Variants in CNTN4 observed in about 807,000 individuals in gnomAD.
CNTN4 encodes contactin 4, also known as contactin-4.
CNTN4 carries 77 observed loss-of-function variants against 122.5 expected under a neutral mutation model. That is an observed-to-expected ratio of 0.63 (90% CI 0.52 to 0.76). The LOEUF (loss-of-function observed/expected upper bound fraction) is 0.76. CNTN4 is among the 30% of genes least tolerant of loss of function. The probability of loss-of-function intolerance (pLI) is 0.00; values close to 1 mark genes in which losing one functional copy is unlikely to be tolerated. For synonymous variants in CNTN4, 512 were observed against 447.0 expected (o/e 1.15, Z -1.83); for missense variants, 1,256 against 1,259.1 (o/e 1.00, Z 0.04).
At chr3:2,184,713 C>T (rs1361222238) in intron 2 of CNTN4, among the ~76,000 whole-genome samples, 1 of 152,122 alleles carries the variant, frequency 6.6e-6, no homozygotes, top group Admixed American at 6.6e-5. Flanking sequence ...CAACCTCATC[C>T]CCTCTGGAGG....
chr3:2,206,926 T>A (rs979941178), intron 2 of CNTN4, among the ~76,000 whole-genome samples: 1 of 151,810 alleles, frequency 6.6e-6, no homozygotes, highest in Non-Finnish European at 1.5e-5. Flanking sequence ...AACTCTGAGT[T>A]GAGCAAGGCT....
intron 13 of CNTN4, among the ~76,000 whole-genome samples, chr3:2,941,996 A>G (rs1385834975): frequency 6.6e-6 from 1 of 152,134 alleles, no homozygotes; most frequent in Non-Finnish European, 1.5e-5. Flanking sequence ...ATTTTTCTGA[A>G]TTTGTAATTC....
chr3:2,762,642 T>A (rs112561871), intron 6 of CNTN4, among the ~76,000 whole-genome samples: 2 of 152,152 alleles, frequency 1.3e-5, no homozygotes, highest in African/African-American at 2.4e-5. Flanking sequence ...AACATACACA[T>A]GTGTGTGTCT....
In CNTN4 at chr3:2,900,807, C is replaced by T; in HGVS notation, c.1063C>T (p.Pro355Ser). 4 of 1,613,850 alleles carry T rather than the reference C, an allele frequency of 2.5e-6. No individual in the cohort carries two copies. The highest frequency in any genetic ancestry group is 2.5e-6 in the Non-Finnish European group (3 of 1,179,778). The change falls in exon 11 of 25, where the codon CCT (proline) becomes TCT (serine). Residue 355 changes from proline (P) to serine (S), a missense_variant. Transcript: ENST00000418658. ...PTYKWLKNGE[P>S]LLTRDRIQIE... The stretch of plus-strand genomic sequence containing the variant: ...ATACAAGTGGCTAAAAAATGGCGAA[C>T]CTCTGCTAACTCGGGTAAGCAAGTT...
chr3:2,115,534 T>C (rs2033290448), intron 2 of CNTN4, among the ~76,000 whole-genome samples: 1 of 152,246 alleles, frequency 6.6e-6, no homozygotes, highest in Admixed American at 6.5e-5. Context: ...AGGGTGCCTC[T>C]TGAGGCCTGT....
At chr3:2,820,503 C>T (rs76887750) in intron 7 of CNTN4, among the ~76,000 whole-genome samples, 6 of 151,992 alleles carry the variant, frequency 3.9e-5, no homozygotes, top group South Asian at 2.1e-4. Context: ...CATGATTGAT[C>T]GAATCTATGG....
At chr3:2,191,725 T>TAC (rs1296633749) in intron 2 of CNTN4, among the ~76,000 whole-genome samples, 3 of 61,054 alleles carry the variant, frequency 4.9e-5, no homozygotes, top group African/African-American at 1.6e-4. Context: ...CACACACACA[T>TAC]ACACACACAT....
At chr3:2,673,795 G>A (rs960387822) in intron 4 of CNTN4, among the ~76,000 whole-genome samples, 6 of 152,180 alleles carry the variant, frequency 3.9e-5, no homozygotes, top group Non-Finnish European at 7.4e-5. Flanking sequence ...GCCTGCCTCA[G>A]CCTCCCAAAG....
chr3:2,378,223 C>T (rs896324309), intron 3 of CNTN4, among the ~76,000 whole-genome samples: 5 of 152,196 alleles, frequency 3.3e-5, no homozygotes, highest in East Asian at 3.9e-4. Flanking sequence ...GTTTCATGTG[C>T]GGGGGAAGGA....
At chr3:2,684,426 A>G (rs796799208) in intron 4 of CNTN4, among the ~76,000 whole-genome samples, 2 of 152,314 alleles carry the variant, frequency 1.3e-5, no homozygotes, top group African/African-American at 4.8e-5. Context: ...AAAGTGGTAT[A>G]AAATGCTTTT....
chr3:2,854,268 C>CTTCT (rs1553665934), intron 7 of CNTN4, among the ~76,000 whole-genome samples: 6 of 90,054 alleles, frequency 6.7e-5, no homozygotes, highest in African/African-American at 2.3e-4. Flanking sequence ...CTTTCTTCTT[C>CTTCT]TTTTTTTTTT....
intron 2 of CNTN4, among the ~76,000 whole-genome samples, chr3:2,224,429 A>T (rs993250341): frequency 6.6e-6 from 1 of 152,168 alleles, no homozygotes; most frequent in Non-Finnish European, 1.5e-5. Context: ...AGTCTGTGAG[A>T]CCACCTCATG....
intron 4 of CNTN4, among the ~76,000 whole-genome samples, chr3:2,735,127 A>C (rs1306826809): frequency 6.6e-6 from 1 of 152,190 alleles, no homozygotes; most frequent in Admixed American, 6.5e-5. Context: ...AGGGAAAATA[A>C]AGTGTACTCT....
chr3:2,915,662 A>G (rs748295898), intron 12 of CNTN4, among the ~76,000 whole-genome samples: 83 of 152,222 alleles, frequency 5.5e-4, no homozygotes, highest in Non-Finnish European at 1.0e-3. Flanking sequence ...AAAATTAAAA[A>G]TGGAATTACC....
At chr3:3,042,909 T>C in intron 21 of CNTN4, 68 bp from the exon 22 acceptor site, 2 of 1,301,930 alleles carry the variant, frequency 1.5e-6, no homozygotes, top group South Asian at 1.2e-5. Flanking sequence ...GCGTACAAAA[T>C]TACCTGATGA....
intron 8 of CNTN4, among the ~76,000 whole-genome samples, chr3:2,871,043 A>G (rs1350213300): frequency 2.0e-5 from 3 of 152,026 alleles, no homozygotes; most frequent in African/African-American, 4.8e-5. Context: ...ACTCCTTCCT[A>G]CATCTCAGAT....
intron 2 of CNTN4, among the ~76,000 whole-genome samples, chr3:2,299,107 A>G (rs559540583): frequency 3.3e-5 from 5 of 152,316 alleles, no homozygotes; most frequent in African/African-American, 1.2e-4. Flanking sequence ...TAACTGTGCT[A>G]ATATCCAGTG....
chr3:2,478,252 T>C (rs942502561), intron 3 of CNTN4, among the ~76,000 whole-genome samples: 5 of 152,170 alleles, frequency 3.3e-5, no homozygotes, highest in African/African-American at 1.2e-4. Context: ...TTGTCTGAGA[T>C]GTGCTATAGA....
chr3:2,316,946 C>T lies in CNTN4; in HGVS notation c.-144-22232C>T, dbSNP rs79524610. ...TTGACAGTGATCCCATATATTTCTT[C>T]CTCTAATTTCCCTTTTGTGACTTCA... On this transcript the variant is annotated intron_variant, in intron 2 of 24. Coordinates refer to ENST00000418658, the MANE Select transcript of CNTN4 (RefSeq NM_175607.3). Among the ~76,000 whole-genome samples the T allele has an allele frequency of 3.2e-3, 485 of 152,248 alleles. 1 individual carries two copies. The highest frequency in any genetic ancestry group is 5.0e-3 in the Non-Finnish European group (343 of 68,008).
Sources: allele counts gnomAD v4.1 joint callset (sites outside exome capture counted in the v4.1 genomes callset), GRCh38; gene constraint gnomAD v4.1.1; transcripts MANE v1.5; gene names NCBI Gene and HGNC (gene_info 2026-07-23, HGNC 2026-07-21).